ADAMTS18: variants seen among roughly 807,000 people sequenced by gnomAD.
ADAMTS18 encodes the protein ADAM metallopeptidase with thrombospondin type 1 motif 18, also known as A disintegrin and metalloproteinase with thrombospondin motifs 18.
In ADAMTS18, 157 loss-of-function variants were observed where a neutral mutation model predicts 165.9. The observed-to-expected ratio is 0.95, with a 90% confidence interval of 0.83 to 1.08. ADAMTS18 has a LOEUF of 1.08. Among genes scored for constraint, ADAMTS18 ranks in the 50% least tolerant of loss-of-function variants. The pLI, the probability that ADAMTS18 is intolerant of heterozygous loss-of-function variation, is 0.00. For synonymous variants in ADAMTS18, 782 were observed against 578.2 expected (o/e 1.35, Z -5.06); for missense variants, 2,040 against 1,534.0 (o/e 1.33, Z -5.51).
chr16:77,429,602 G>C (rs140090709), intron 3 of ADAMTS18, among the ~76,000 whole-genome samples: 3 of 151,982 alleles, frequency 2.0e-5, no homozygotes, highest in African/African-American at 7.3e-5. Flanking sequence ...AAAAAAAATG[G>C]ATAAAAACAT....
chr16:77,325,916 T>C lies in ADAMTS18; in HGVS notation c.1982A>G (p.Lys661Arg). The C allele has an allele frequency of 6.2e-7, 1 of 1,614,102 alleles. No homozygotes were observed. The highest frequency in any genetic ancestry group is 1.1e-5 in the South Asian group (1 of 91,074). ...RAQQCAEYNSKPFRGWFYQWK... is the reference protein window; with the variant it reads ...RAQQCAEYNSRPFRGWFYQWK... ...CTGGTAGAACCATCCACGGAAAGGT[T>C]TGCTGTTATATTCTGCACACTGTTG... is the stretch of plus-strand genomic sequence containing the variant. Residue 661 changes from lysine to arginine, a missense_variant, in exon 13 of 23, where the codon AAA (lysine) becomes AGA (arginine). Transcript: ENST00000282849.
At chr16:77,356,758 A>G (rs985321462) in intron 8 of ADAMTS18, among the ~76,000 whole-genome samples, 1 of 152,200 alleles carries the variant, frequency 6.6e-6, no homozygotes, top group Non-Finnish European at 1.5e-5. Flanking sequence ...ATTATAGAAG[A>G]AAAACTTTAG....
rs1317005797 is a variant in ADAMTS18, at chr16:77,434,632, G to A, written c.64C>T (p.Leu22=). The A allele has an allele frequency of 6.7e-7, 1 of 1,488,846 alleles. No individual in the cohort carries two copies. The highest frequency in any genetic ancestry group is 2.8e-5 in the East Asian group (1 of 35,528). 92.2% of individuals were successfully genotyped at this position (1,488,846 alleles called of 1,614,324 possible). A position where few individuals can be genotyped will look rare whatever the true frequency, so the allele number is the denominator to read the frequency against. ...PAAGSGPPRG[L]AGLGRVAKAL... ...TTGGCCACGCGCCCCAGTCCCGCCA[G>A]GCCCCTCGGCGGGCCCGAACCCGCA... Residue 22 remains leucine (L), a synonymous_variant, in exon 1 of 23, where the codon CTG becomes TTG. Transcript: ENST00000282849.
chr16:77,327,879 G>A (rs1470696908), intron 12 of ADAMTS18, among the ~76,000 whole-genome samples: 1 of 152,146 alleles, frequency 6.6e-6, no homozygotes, highest in East Asian at 1.9e-4. Context: ...CTGGGGAGAA[G>A]GAACAGAAAG....
At chr16:77,391,466 TG>T (rs1162696664) in intron 3 of ADAMTS18, among the ~76,000 whole-genome samples, 14 of 147,818 alleles carry the variant, frequency 9.5e-5, no homozygotes, top group Non-Finnish European at 1.8e-4. Flanking sequence ...CACTCCAGCC[TG>T]GGCAACAGCG....
At chr16:77,392,566 C>A (rs1017645327) in intron 3 of ADAMTS18, among the ~76,000 whole-genome samples, 2 of 152,176 alleles carry the variant, frequency 1.3e-5, no homozygotes, top group Non-Finnish European at 2.9e-5. Context: ...TCCTTCATTA[C>A]ACTTTACCCC....
At chr16:77,431,222 T>C in intron 3 of ADAMTS18, 73 bp downstream of exon 3, 1 of 1,526,478 alleles carries the variant, frequency 6.6e-7, no homozygotes, top group African/African-American at 1.4e-5. Flanking sequence ...AGCATTTATA[T>C]TGCAGACATC....
At chr16:77,366,582 CA>C (rs933757427) in intron 4 of ADAMTS18, among the ~76,000 whole-genome samples, 2 of 151,876 alleles carry the variant, frequency 1.3e-5, no homozygotes, top group Non-Finnish European at 2.9e-5. Flanking sequence ...AAAACAAAAA[CA>C]AAAAAACAAG....
At chr16:77,317,782 A>G (rs2055913838) in intron 16 of ADAMTS18, among the ~76,000 whole-genome samples, 1 of 152,218 alleles carries the variant, frequency 6.6e-6, no homozygotes, top group African/African-American at 2.4e-5. Context: ...TGTGAGCTGC[A>G]GAAGGTCATT....
Position 77,363,876 on chromosome 16 carries a change from G to A in ADAMTS18, c.982C>T (p.Leu328=), listed in dbSNP as rs376807442. The A allele has an allele frequency of 1.5e-5, 24 of 1,613,712 alleles. No individual in the cohort carries two copies. The highest frequency in any genetic ancestry group is 1.9e-5 in the Non-Finnish European group (22 of 1,179,942). ...ILTVMNMVSG[L]FKDGTIGSDI... Reference sequence around the variant, plus strand: ...CTTCCAATAGTCCCATCTTTAAATAGGCCAGAAACCTGTTGGAACAATGGA... The same window carrying A: ...CTTCCAATAGTCCCATCTTTAAATAAGCCAGAAACCTGTTGGAACAATGGA... Residue 328 remains leucine (L), a synonymous_variant, in exon 6 of 23, where the codon CTA becomes TTA. Transcript: ENST00000282849.
intron 3 of ADAMTS18, among the ~76,000 whole-genome samples, chr16:77,431,073 T>C (rs1471751648): frequency 1.3e-5 from 2 of 152,220 alleles, no homozygotes; most frequent in South Asian, 2.1e-4. Flanking sequence ...TCCCAGACCA[T>C]TAAACATCAA....
At chr16:77,349,849 C>A (rs964463914) in intron 10 of ADAMTS18, among the ~76,000 whole-genome samples, 6 of 152,184 alleles carry the variant, frequency 3.9e-5, no homozygotes, top group African/African-American at 1.4e-4. Flanking sequence ...AGAACATTCA[C>A]AAGAATTTAA....
intron 16 of ADAMTS18, among the ~76,000 whole-genome samples, chr16:77,312,640 C>G (rs1428843): frequency 6.6e-6 from 1 of 152,192 alleles, no homozygotes; most frequent in African/African-American, 2.4e-5. Context: ...GAATGACATA[C>G]AGAGCTATGC....
chr16:77,316,112 G>A (rs568956848), intron 16 of ADAMTS18, among the ~76,000 whole-genome samples: 1 of 152,204 alleles, frequency 6.6e-6, no homozygotes, highest in South Asian at 2.1e-4. Flanking sequence ...ATAATACACT[G>A]CAAACAGATC....
intron 12 of ADAMTS18, among the ~76,000 whole-genome samples, chr16:77,332,959 ATG>A (rs2056214611): frequency 6.6e-6 from 1 of 152,158 alleles, no homozygotes. Context: ...ACACGTGTTG[ATG>A]TACATTCCTG....
intron 16 of ADAMTS18, among the ~76,000 whole-genome samples, chr16:77,317,833 C>A (rs2055915072): frequency 6.6e-6 from 1 of 152,128 alleles, no homozygotes; most frequent in Admixed American, 6.5e-5. Context: ...AAAGAATTAT[C>A]CAGGCCCGCT....
At chr16:77,368,810 G>C (rs779773087) in intron 3 of ADAMTS18, among the ~76,000 whole-genome samples, 2 of 152,172 alleles carry the variant, frequency 1.3e-5, no homozygotes, top group Non-Finnish European at 2.9e-5. Flanking sequence ...GGGGTCTAGA[G>C]AATCTGATGA....
chr16:77,326,885 T>C (rs1011386092), intron 12 of ADAMTS18, among the ~76,000 whole-genome samples: 2 of 152,168 alleles, frequency 1.3e-5, no homozygotes, highest in African/African-American at 2.4e-5. Flanking sequence ...CCCTCCACTC[T>C]CAATCTTTGG....
At chr16:77,333,383 T>C (rs2056222055) in intron 12 of ADAMTS18, among the ~76,000 whole-genome samples, 1 of 151,780 alleles carries the variant, frequency 6.6e-6, no homozygotes, top group Non-Finnish European at 1.5e-5. Context: ...GATGATGGGT[T>C]GATAGGTGCA....
Sources: gnomAD v4.1 joint callset for allele counts (sites outside exome capture counted in the v4.1 genomes callset) on GRCh38, gnomAD v4.1.1 for gene constraint, MANE v1.5 for transcripts, NCBI Gene and HGNC (gene_info 2026-07-23, HGNC 2026-07-21) for gene names.